TCERG1L: variants seen among roughly 807,000 people sequenced by gnomAD.
The protein encoded by TCERG1L is transcription elongation regulator 1-like protein.
A neutral mutation model predicts 56.3 loss-of-function variants in TCERG1L; 37 were observed. The ratio of observed to expected loss-of-function variants is 0.66; its 90% CI spans 0.51 to 0.87. The LOEUF (loss-of-function observed/expected upper bound fraction) is 0.87. TCERG1L is among the 40% of genes least tolerant of loss of function. The pLI, the probability that TCERG1L is intolerant of heterozygous loss-of-function variation, is 0.00. For synonymous variants in TCERG1L, 324 were observed against 326.3 expected, an observed-to-expected ratio of 0.99 and a Z score of 0.08; for missense variants, 799 against 774.2, an observed-to-expected ratio of 1.03 and a Z score of -0.38.
chr10:131,148,628 GCA>G (rs1564801614), intron 6 of TCERG1L, among the ~76,000 whole-genome samples: 1 of 151,654 alleles, frequency 6.6e-6, no homozygotes, highest in Non-Finnish European at 1.5e-5. Flanking sequence ...AGACACACAT[GCA>G]CACACACACG....
intron 4 of TCERG1L, among the ~76,000 whole-genome samples, chr10:131,177,082 A>AGATG (rs1564808293): frequency 2.2e-5 from 3 of 134,056 alleles, no homozygotes; most frequent in East Asian, 2.2e-4. Context: ...ATACACACAC[A>AGATG]CGTACTCACA....
chr10:131,130,112 G>A (rs905943299), intron 8 of TCERG1L, among the ~76,000 whole-genome samples: 5 of 151,104 alleles, frequency 3.3e-5, no homozygotes, highest in South Asian at 2.1e-4. Flanking sequence ...AAGGTTGAAC[G>A]GATTCACAGT....
intron 7 of TCERG1L, among the ~76,000 whole-genome samples, chr10:131,141,416 G>A (rs951549284): frequency 8.6e-5 from 13 of 151,396 alleles, no homozygotes; most frequent in Non-Finnish European, 1.3e-4. Flanking sequence ...TGGCTGCTGC[G>A]CGGGGTCACC....
At chr10:131,186,025 G>C (rs1192108076) in intron 4 of TCERG1L, among the ~76,000 whole-genome samples, 1 of 152,230 alleles carries the variant, frequency 6.6e-6, no homozygotes, top group African/African-American at 2.4e-5. Context: ...ATTATCTTGC[G>C]ATGAAAGGGA....
chr10:131,185,461 G>A (rs1564810087), intron 4 of TCERG1L, among the ~76,000 whole-genome samples: 1 of 152,142 alleles, frequency 6.6e-6, no homozygotes, highest in African/African-American at 2.4e-5. Context: ...CAGAATGGGA[G>A]AAAATATTTG....
chr10:131,240,752 C>T (rs909910300), intron 4 of TCERG1L, among the ~76,000 whole-genome samples: 2 of 152,180 alleles, frequency 1.3e-5, no homozygotes, highest in African/African-American at 4.8e-5. Flanking sequence ...ATTATGGATC[C>T]AGGAAAAGTG....
intron 4 of TCERG1L, among the ~76,000 whole-genome samples, chr10:131,170,262 A>G (rs950741004): frequency 2.0e-5 from 3 of 152,044 alleles, no homozygotes; most frequent in Non-Finnish European, 4.4e-5. Flanking sequence ...GGCCACTTCC[A>G]GGGTCCACTC....
intron 6 of TCERG1L, among the ~76,000 whole-genome samples, chr10:131,146,993 C>G (rs1276416503): frequency 6.6e-6 from 1 of 152,164 alleles, no homozygotes; most frequent in Non-Finnish European, 1.5e-5. Context: ...AAATTCCATT[C>G]CAGATGCAGA....
chr10:131,241,291 G>C (rs1027731048), intron 4 of TCERG1L, among the ~76,000 whole-genome samples: 41 of 152,288 alleles, frequency 2.7e-4, no homozygotes, highest in Middle Eastern at 6.8e-3. Context: ...AGTTAAGGAA[G>C]TCTACCAGAA....
chr10:131,268,052 T>TG (rs1187350202), intron 3 of TCERG1L, among the ~76,000 whole-genome samples: 1 of 152,018 alleles, frequency 6.6e-6, no homozygotes, highest in Non-Finnish European at 1.5e-5. Context: ...TCTGAGCCTG[T>TG]GGGGGGCAGG....
chr10:131,139,752 ATG>A (rs368132081), intron 7 of TCERG1L, among the ~76,000 whole-genome samples: 173 of 149,806 alleles, frequency 1.2e-3, no homozygotes, highest in African/African-American at 3.7e-3. Flanking sequence ...GTATGTGTAC[ATG>A]TGTGTTTCTG....
At chr10:131,250,461 A>G (rs988889038) in intron 4 of TCERG1L, among the ~76,000 whole-genome samples, 5 of 99,006 alleles carry the variant, frequency 5.1e-5, no homozygotes, top group African/African-American at 2.5e-4. Context: ...AATCATTTCA[A>G]TAGCATCAGA....
chr10:131,272,216 G>A (rs1343594336), intron 3 of TCERG1L, among the ~76,000 whole-genome samples: 1 of 152,148 alleles, frequency 6.6e-6, no homozygotes, highest in Non-Finnish European at 1.5e-5. Context: ...GCAAGAATCA[G>A]GAAATCCATC....
At chr10:131,211,630 T>C (rs2133488669) in intron 4 of TCERG1L, among the ~76,000 whole-genome samples, 1 of 152,316 alleles carries the variant, frequency 6.6e-6, no homozygotes, top group Middle Eastern at 3.4e-3. Flanking sequence ...GCAGCTCCTT[T>C]CATGAAGGCA....
chr10:131,163,420 C>G (rs1845998729), intron 5 of TCERG1L, among the ~76,000 whole-genome samples: 1 of 152,152 alleles, frequency 6.6e-6, no homozygotes, highest in Admixed American at 6.5e-5. Flanking sequence ...ATCACCTGGA[C>G]AAAGGCACCC....
intron 4 of TCERG1L, among the ~76,000 whole-genome samples, chr10:131,249,879 A>C (rs1275640678): frequency 2.0e-5 from 3 of 152,208 alleles, no homozygotes. Flanking sequence ...GGGGAGAGAA[A>C]GCAGCACTCT....
intron 4 of TCERG1L, among the ~76,000 whole-genome samples, chr10:131,213,404 A>G (rs1429824809): frequency 1.3e-5 from 2 of 152,230 alleles, no homozygotes; most frequent in African/African-American, 4.8e-5. Context: ...ACTTCATGTT[A>G]TAAAATTTCT....
At position 131,166,606 on chromosome 10, in the gene TCERG1L, C is replaced by T. The variant is rs572291844; in HGVS notation, c.945+191G>A. Among the ~76,000 whole-genome samples the T allele has an allele frequency of 2.6e-5, 4 of 152,358 alleles. No individual in the cohort carries two copies. The South Asian group carries it at 8.3e-4, about 32-fold the overall frequency. ...AGCTTCAGACCCAGATCTGGCAGGA[C>T]CAGCAAGGGCTGTGTCCCTGCTCTC... On this transcript the variant is annotated intron_variant, in intron 5 of 11. Transcript: ENST00000368642.
chr10:131,290,423 G>C (rs983060999), intron 3 of TCERG1L, among the ~76,000 whole-genome samples: 2 of 152,118 alleles, frequency 1.3e-5, no homozygotes, highest in Non-Finnish European at 2.9e-5. Context: ...CCTGAGGCTG[G>C]GAATTCGAGA....
Sources: allele counts gnomAD v4.1 joint callset (sites outside exome capture counted in the v4.1 genomes callset), GRCh38; gene constraint gnomAD v4.1.1; transcripts MANE v1.5; gene names NCBI Gene and HGNC (gene_info 2026-07-23, HGNC 2026-07-21).